The following BIRC6 variants were observed in gnomAD, a reference collection of about 807,000 sequenced individuals.
The protein encoded by BIRC6 is dual E2 ubiquitin-conjugating enzyme/E3 ubiquitin-protein ligase BIRC6.
In BIRC6, 98 loss-of-function variants were observed where a neutral mutation model predicts 503.3. That is an observed-to-expected ratio of 0.19 (90% CI 0.17 to 0.23). The LOEUF is 0.23. Ranked by LOEUF, BIRC6 falls within the 10% of genes least tolerant of loss-of-function variation. The pLI is 1.00. For missense variants in BIRC6, 5,360 were observed against 5,806.0 expected (o/e 0.92, Z 2.50); for synonymous variants, 2,240 against 2,078.7 (o/e 1.08, Z -2.11).
intron 9 of BIRC6, among the ~76,000 whole-genome samples, 189 bp from the exon 10 acceptor site, chr2:32,414,580 T>A (rs796475564): frequency 2.4e-4 from 37 of 152,264 alleles, no homozygotes; most frequent in African/African-American, 8.7e-4. Context: ...GGCACTAGAA[T>A]CACTTGAACC....
Position 32,500,129 on chromosome 2 carries a change from A to T in BIRC6, c.9031+20A>T. 6.4e-6 allele frequency: 10 copies of T among 1,553,538 alleles called. No homozygotes were observed. Among genetic ancestry groups the T allele is most frequent in the Non-Finnish European group, 8.7e-6 (10 of 1,144,962 alleles). On this transcript the variant is annotated intron_variant, in intron 46 of 73. Coordinates refer to ENST00000421745, the MANE Select transcript of BIRC6 (RefSeq NM_016252.4). ...TAATTGGTATGTATTGAGAATATTA[A>T]TCTTACCATTGTCTCTGATACTATA...
chr2:32,372,104 G>A (rs936592064), intron 1 of BIRC6, among the ~76,000 whole-genome samples: 2 of 152,048 alleles, frequency 1.3e-5, no homozygotes, highest in African/African-American at 2.4e-5. Flanking sequence ...TTGCGCTTGG[G>A]TGTGTTTTTT....
At chr2:32,593,563 T>G (rs892078253) in intron 66 of BIRC6, among the ~76,000 whole-genome samples, 2 of 152,222 alleles carry the variant, frequency 1.3e-5, no homozygotes, top group Non-Finnish European at 2.9e-5. Flanking sequence ...GTATTAAAAT[T>G]TAAAAACTGC....
intron 58 of BIRC6, 83 bp downstream of exon 58, chr2:32,525,102 A>G: frequency 8.3e-7 from 1 of 1,198,752 alleles, no homozygotes; most frequent in East Asian, 2.8e-5. Flanking sequence ...AATTTATGTA[A>G]TACATTGTAC....
At chr2:32,388,380 C>CAA (rs560533546) in intron 3 of BIRC6, among the ~76,000 whole-genome samples, 42 of 94,428 alleles carry the variant, frequency 4.4e-4, no homozygotes, top group Admixed American at 1.1e-3. Context: ...GACTCCGTCT[C>CAA]AAAAAAAAAA....
intron 45 of BIRC6, among the ~76,000 whole-genome samples, chr2:32,494,682 G>C (rs1056046272): frequency 6.6e-6 from 1 of 151,950 alleles, no homozygotes; most frequent in African/African-American, 2.4e-5. Flanking sequence ...CGGGAAGATC[G>C]CTTAAGCCCA....
At position 32,617,965 on chromosome 2, in the gene BIRC6, T is replaced by C. The variant is rs2063347398; in HGVS notation, c.*61T>C. ...TCGAAGCACAAGCCAAATATGTCAA[T>C]ATTTGTATGTAAGAAACTAATTATG... is the stretch of plus-strand genomic sequence containing the variant. On this transcript the variant is annotated 3_prime_UTR_variant, in exon 74 of 74. Coordinates refer to ENST00000421745, the MANE Select transcript of BIRC6 (RefSeq NM_016252.4). 6.8e-7 allele frequency: 1 copy of C among 1,475,984 alleles called. No homozygotes were observed. The highest frequency in any genetic ancestry group is 1.3e-5 in the South Asian group (1 of 77,730). 91.4% of individuals were successfully genotyped at this position (1,475,984 alleles called of 1,614,324 possible).
intron 1 of BIRC6, among the ~76,000 whole-genome samples, chr2:32,377,025 A>G (rs1002859956): frequency 1.3e-5 from 2 of 152,136 alleles, no homozygotes; most frequent in Non-Finnish European, 2.9e-5. Context: ...CTTTATGCTT[A>G]TTGAGTTTTG....
At chr2:32,497,609 A>G (rs940518986) in intron 45 of BIRC6, among the ~76,000 whole-genome samples, 1 of 152,090 alleles carries the variant, frequency 6.6e-6, no homozygotes, top group Non-Finnish European at 1.5e-5. Context: ...GTTCCTTTAC[A>G]TTGTTGTATT....
chr2:32,396,194 T>G (rs1265452307), intron 6 of BIRC6, among the ~76,000 whole-genome samples: 2 of 152,346 alleles, frequency 1.3e-5, no homozygotes, highest in Non-Finnish European at 2.9e-5. Flanking sequence ...ATTCTCATGT[T>G]TCCCTGTGAA....
Position 32,618,150 on chromosome 2 carries a change from C to T in BIRC6, c.*246C>T, listed in dbSNP as rs2063354742. ...GGTATGTTCAACAAATTTGTGTATA[C>T]AAAGAAATGGATAAATCACTGCTAT... On this transcript the variant is annotated 3_prime_UTR_variant, in exon 74 of 74. Coordinates refer to ENST00000421745, the MANE Select transcript of BIRC6 (RefSeq NM_016252.4). The T allele has an allele frequency of 6.2e-6, 2 of 323,978 alleles. No homozygotes were observed. Among genetic ancestry groups the T allele is most frequent in the Non-Finnish European group, 1.1e-5 (2 of 177,156 alleles). The allele number at this position is 323,978 out of a possible 1,614,324, so 20.1% of individuals were successfully genotyped here.
Position 32,607,618 on chromosome 2 carries a change from G to A in BIRC6, c.14234G>A (p.Arg4745Lys), listed in dbSNP as rs1207952169. The A allele has an allele frequency of 6.2e-7, 1 of 1,610,068 alleles. No homozygotes were observed. The highest frequency in any genetic ancestry group is 1.3e-5 in the African/African-American group (1 of 74,724). ...TVKWAMLEQI[R>K]NPSPCFKEVI... ...AAGTGGGCAATGCTAGAACAAATCA[G>A]AAACCCTTCACCATGTTTTAAAGAG... Residue 4745 changes from arginine (R) to lysine (K), a missense_variant, in exon 72 of 74, where the codon AGA becomes AAA. Transcript: ENST00000421745.
chr2:32,532,055 A>G (rs760090846), intron 61 of BIRC6: 1 of 516,002 alleles, frequency 1.9e-6, no homozygotes, highest in Non-Finnish European at 3.9e-6. Context: ...AGTAGGAAGT[A>G]TGGTGCATGG....
At chr2:32,454,986 A>G (rs2047082539) in intron 23 of BIRC6, among the ~76,000 whole-genome samples, 2 of 152,190 alleles carry the variant, frequency 1.3e-5, no homozygotes, top group Non-Finnish European at 2.9e-5. Flanking sequence ...AGAAACTTTT[A>G]CATTTACACT....
intron 21 of BIRC6, 39 bp from the exon 22 acceptor site, chr2:32,448,756 C>T: frequency 6.3e-7 from 1 of 1,579,472 alleles, no homozygotes; most frequent in Non-Finnish European, 8.6e-7. Context: ...AATTAGATGG[C>T]TGAAAGGAAA....
intron 10 of BIRC6, among the ~76,000 whole-genome samples, chr2:32,421,112 CTTTTTTT>C (rs779700746): frequency 7.6e-6 from 1 of 132,294 alleles, no homozygotes; most frequent in Non-Finnish European, 1.6e-5. Flanking sequence ...TTCTTTCTTT[CTTTTTTT>C]TTTTTTTTGA....
At chr2:32,451,371 G>T (rs889833768) in intron 22 of BIRC6, among the ~76,000 whole-genome samples, 1 of 152,122 alleles carries the variant, frequency 6.6e-6, no homozygotes, top group Admixed American at 6.5e-5. Context: ...AGATCATTAA[G>T]GGGATCTATA....
intron 22 of BIRC6, among the ~76,000 whole-genome samples, chr2:32,450,966 T>C (rs1425282573): frequency 1.3e-5 from 2 of 152,222 alleles, no homozygotes; most frequent in Non-Finnish European, 2.9e-5. Flanking sequence ...TGTAGTTGGT[T>C]GAATCCATGG....
At position 32,415,478 on chromosome 2, in the gene BIRC6, G is replaced by A; in HGVS notation, c.2187G>A (p.Glu729=). The change falls in exon 10 of 74, where the codon GAG becomes GAA. Residue 729 remains glutamate, a synonymous_variant. Transcript: ENST00000421745. ...GGCTGCCAAAGTTTGCAGAGGAGGA[G>A]AATCTTTGTATAGACTCAATAACTC... is the stretch of plus-strand genomic sequence containing the variant. The part of the protein sequence containing the change: ...CLRLPKFAEE[E]NLCIDSITPC... The A allele has an allele frequency of 6.2e-7, 1 of 1,613,996 alleles. No homozygotes were observed. Among genetic ancestry groups the A allele is most frequent in the Middle Eastern group, 1.6e-4 (1 of 6,062 alleles).
Sources: gnomAD v4.1 joint callset for allele counts (sites outside exome capture counted in the v4.1 genomes callset) on GRCh38, gnomAD v4.1.1 for gene constraint, MANE v1.5 for transcripts, NCBI Gene and HGNC (gene_info 2026-07-23, HGNC 2026-07-21) for gene names.